CIDEA: variants seen among roughly 807,000 people sequenced by gnomAD.
CIDEA encodes the protein cell death inducing DFFA like effector a.
CIDEA carries 10 observed loss-of-function variants against 18.2 expected under a neutral mutation model. That is an observed-to-expected ratio of 0.55 (90% CI 0.34 to 0.93). The LOEUF (loss-of-function observed/expected upper bound fraction) is 0.93, where lower values mean the gene tolerates loss of function less well. Among genes scored for constraint, CIDEA ranks in the 40% least tolerant of loss-of-function variants. The pLI is 0.02. For missense variants in CIDEA, 309 were observed against 293.1 expected, an observed-to-expected ratio of 1.05 and a Z score of -0.40; for synonymous variants, 128 against 124.8, an observed-to-expected ratio of 1.03 and a Z score of -0.17.
rs144324050 is a variant in CIDEA at position 12,277,255 on chromosome 18, G to T, written c.645G>T (p.Arg215Ser). The change falls in exon 5 of 5, where the codon AGG (arginine) becomes AGT (serine). Residue 215 changes from arginine to serine, a missense_variant. Arg to Ser is a moderately radical substitution (Grantham distance 110). Transcript: ENST00000320477. ...RPSLRSQAKG[R>S]FTCG is the part of the protein sequence containing the mutation. ...CCCTCCGGTCACAAGCCAAGGGCAG[G>T]TTCACGTGTGGATAGGGATGCAGGC... The T allele has an allele frequency of 8.7e-6, 14 of 1,613,984 alleles. No individual in the cohort carries two copies. In the African/African-American group the frequency reaches 1.5e-4, roughly 17 times the overall value.
At chr18:12,268,229 CATTTTTTTT>C (rs1253483203) in intron 3 of CIDEA, among the ~76,000 whole-genome samples, 7 of 73,004 alleles carry the variant, frequency 9.6e-5, no homozygotes, top group Non-Finnish European at 1.0e-4. Flanking sequence ...CATGCCCGGC[CATTTTTTTT>C]TTTTTTTTTT....
intron 3 of CIDEA, among the ~76,000 whole-genome samples, chr18:12,273,307 T>C (rs574471172): frequency 6.6e-6 from 1 of 152,296 alleles, no homozygotes; most frequent in South Asian, 2.1e-4. Flanking sequence ...TAACCCTGTG[T>C]AGACCCGAAT....
chr18:12,269,811 C>A (rs771027634), intron 3 of CIDEA, among the ~76,000 whole-genome samples: 22 of 152,112 alleles, frequency 1.4e-4, no homozygotes, highest in Admixed American at 4.6e-4. Flanking sequence ...GATCCTGCCA[C>A]CTCCTCCTCC....
chr18:12,260,072 G>T (rs1228659219), intron 1 of CIDEA, among the ~76,000 whole-genome samples: 1 of 152,152 alleles, frequency 6.6e-6, no homozygotes, highest in African/African-American at 2.4e-5. Context: ...AAACACTCAC[G>T]ATTATGGAAA....
At position 12,275,993 on chromosome 18, in the gene CIDEA, C is replaced by CTTTTCT. The variant is rs149108439; in HGVS notation, c.513-1128_513-1127insTTCTTT. ...GTGAAATCTTTTTTCTTTTTCTTTT[C>CTTTTCT]TTATTTTTTTTCTTTTTTGAGACGG... On this transcript the variant is annotated intron_variant, in intron 4 of 4. Coordinates refer to ENST00000320477, the MANE Select transcript of CIDEA (RefSeq NM_001279.4). Among the ~76,000 whole-genome samples, 4 of 129,708 alleles carry CTTTTCT rather than the reference C, an allele frequency of 3.1e-5. No individual in the cohort carries two copies. In the East Asian group the frequency reaches 8.9e-4, roughly 29 times the overall value. The allele number at this position is 129,708 out of a possible 152,430, so 85.1% of individuals were successfully genotyped here.
intron 1 of CIDEA, among the ~76,000 whole-genome samples, chr18:12,255,734 G>A (rs1345799254): frequency 6.6e-6 from 1 of 152,196 alleles, no homozygotes; most frequent in East Asian, 1.9e-4. Context: ...AACCAATCCT[G>A]GTTGGCCTCT....
chr18:12,266,217 C>A (rs1007482558), intron 3 of CIDEA, among the ~76,000 whole-genome samples: 2 of 151,732 alleles, frequency 1.3e-5, no homozygotes, highest in South Asian at 4.2e-4. Flanking sequence ...AGTGACAGAG[C>A]AAGACCCTAT....
At chr18:12,271,231 G>T (rs1296051300) in intron 3 of CIDEA, among the ~76,000 whole-genome samples, 1 of 148,084 alleles carries the variant, frequency 6.8e-6, no homozygotes, top group East Asian at 2.1e-4. Flanking sequence ...AGCCGTGGCA[G>T]ATGGGATTAA....
chr18:12,259,346 T>A (rs1386368924), intron 1 of CIDEA, among the ~76,000 whole-genome samples: 2 of 152,230 alleles, frequency 1.3e-5, no homozygotes, highest in Admixed American at 6.5e-5. Flanking sequence ...TCTAGATAGA[T>A]GTTTATTGCT....
At position 12,272,244 on chromosome 18, in the gene CIDEA, A is replaced by G. The variant is rs1912570421; in HGVS notation, c.331-1849A>G. On this transcript the variant is annotated intron_variant, in intron 3 of 4. Transcript: ENST00000320477. ...TTCGTTTGTTTTGAGATGGAGCCTCACTCTGTCGCCCAGGCTGGAGTGCAG... is the reference window on the plus strand; with the variant it reads ...TTCGTTTGTTTTGAGATGGAGCCTCGCTCTGTCGCCCAGGCTGGAGTGCAG... Among the ~76,000 whole-genome samples, 3 of 145,964 alleles carry G rather than the reference A, an allele frequency of 2.1e-5. No homozygotes were observed. The Admixed American group carries it at 2.2e-4, about 10-fold the overall frequency.
chr18:12,259,733 C>T (rs755202857), intron 1 of CIDEA, among the ~76,000 whole-genome samples: 4 of 152,144 alleles, frequency 2.6e-5, no homozygotes, highest in Middle Eastern at 3.4e-3. Flanking sequence ...TGGTAGCGGG[C>T]GCCTGTAACC....
intron 3 of CIDEA, among the ~76,000 whole-genome samples, chr18:12,269,313 C>T (rs1912447535): frequency 6.6e-6 from 1 of 152,168 alleles, no homozygotes; most frequent in South Asian, 2.1e-4. Flanking sequence ...TCCATCCTGA[C>T]ACAGATATGC....
At chr18:12,256,533 T>G (rs1458653971) in intron 1 of CIDEA, among the ~76,000 whole-genome samples, 1 of 152,250 alleles carries the variant, frequency 6.6e-6, no homozygotes, top group Non-Finnish European at 1.5e-5. Context: ...GCAGGTTGAC[T>G]ATCACAGACA....
chr18:12,274,097 G>C lies in CIDEA; in HGVS notation c.335G>C (p.Ser112Thr), dbSNP rs747149878. The C allele has an allele frequency of 1.9e-6, 3 of 1,614,158 alleles. No individual in the cohort carries two copies. The highest frequency in any genetic ancestry group is 3.3e-5 in the Admixed American group (2 of 60,026). The change falls in exon 4 of 5, where the codon AGC becomes ACC. Residue 112 changes from serine (S) to threonine (T), a missense_variant. Transcript: ENST00000320477. ...LEKGQKWMPG[S>T]QHVPTCSPPK... ...CCCCTCCCCCCATTGTCACAGGGCA[G>C]CCAGCACGTCCCCACTTGCTCGCCG...
chr18:12,261,933 G>A (rs964202951), intron 1 of CIDEA, among the ~76,000 whole-genome samples: 2 of 151,806 alleles, frequency 1.3e-5, no homozygotes, highest in African/African-American at 4.8e-5. Flanking sequence ...GGAGGCTGAG[G>A]CAGGAGGGAG....
chr18:12,270,651 C>T (rs57537441), intron 3 of CIDEA, among the ~76,000 whole-genome samples: 1,990 of 138,406 alleles, frequency 0.014, 54 homozygotes, highest in African/African-American at 0.054. Context: ...AGCACCAATG[C>T]ACTCCAGCCT....
chr18:12,268,879 G>A (rs1342467091), intron 3 of CIDEA, among the ~76,000 whole-genome samples: 1 of 151,058 alleles, frequency 6.6e-6, no homozygotes, highest in Non-Finnish European at 1.5e-5. Flanking sequence ...AGGCTGGAGT[G>A]CAGTGGCGTG....
intron 1 of CIDEA, among the ~76,000 whole-genome samples, chr18:12,255,443 C>G (rs1355871324): frequency 6.6e-6 from 1 of 152,158 alleles, no homozygotes; most frequent in Non-Finnish European, 1.5e-5. Context: ...TTAGAAGCAT[C>G]TTTCTCTTTA....
At chr18:12,268,230 A>ATTTTTTTTT (rs1285349657) in intron 3 of CIDEA, among the ~76,000 whole-genome samples, 3 of 114,642 alleles carry the variant, frequency 2.6e-5, no homozygotes, top group Admixed American at 1.0e-4. Context: ...ATGCCCGGCC[A>ATTTTTTTTT]TTTTTTTTTT....
Sources: allele counts gnomAD v4.1 joint callset (sites outside exome capture counted in the v4.1 genomes callset), GRCh38; gene constraint gnomAD v4.1.1; transcripts MANE v1.5; gene names NCBI Gene and HGNC (gene_info 2026-07-23, HGNC 2026-07-21).